Variants in WASF1 observed in about 807,000 individuals in gnomAD.
WASF1 encodes WASP family member 1.
A neutral mutation model predicts 50.5 loss-of-function variants in WASF1; 7 were observed. The observed-to-expected ratio is 0.14, with a 90% CI of 0.08 to 0.26. WASF1 has a LOEUF of 0.26. Ranked by LOEUF, WASF1 falls within the 10% of genes least tolerant of loss-of-function variation. WASF1 has a pLI of 1.00. For synonymous variants in WASF1, 205 were observed against 244.0 expected, an observed-to-expected ratio of 0.84 and a Z score of 1.49; for missense variants, 470 against 694.7, an observed-to-expected ratio of 0.68 and a Z score of 3.64.
At chr6:110,155,533 CTTCTTT>C (rs1417141173) in intron 3 of WASF1, among the ~76,000 whole-genome samples, 2 of 54,510 alleles carry the variant, frequency 3.7e-5, no homozygotes, top group African/African-American at 5.3e-5. Flanking sequence ...TCTAAAGTGC[CTTCTTT>C]TTTTTTTTTT....
chr6:110,101,554 A>G, intron 10 of WASF1, 34 bp downstream of exon 10: 1 of 1,573,026 alleles, frequency 6.4e-7, no homozygotes, highest in Non-Finnish European at 8.6e-7. Context: ...CAATGCTACT[A>G]TAGCAATGCT....
At chr6:110,133,354 T>A (rs182627897) in intron 3 of WASF1, among the ~76,000 whole-genome samples, 27 of 152,254 alleles carry the variant, frequency 1.8e-4, no homozygotes, top group African/African-American at 6.5e-4. Flanking sequence ...CAATGACTTT[T>A]TTATAGTATC....
intron 3 of WASF1, among the ~76,000 whole-genome samples, chr6:110,158,680 A>G (rs1489802374): frequency 6.6e-6 from 1 of 151,946 alleles, no homozygotes; most frequent in Non-Finnish European, 1.5e-5. Context: ...CACTCAGGTG[A>G]CTTGTCTGAG....
At chr6:110,124,064 A>C (rs1045329202) in intron 4 of WASF1, among the ~76,000 whole-genome samples, 5 of 151,726 alleles carry the variant, frequency 3.3e-5, no homozygotes, top group Admixed American at 1.3e-4. Flanking sequence ...CAGATAAGGG[A>C]ACTTGCACAG....
intron 3 of WASF1, among the ~76,000 whole-genome samples, chr6:110,152,290 C>G (rs1179831419): frequency 6.6e-6 from 1 of 152,062 alleles, no homozygotes; most frequent in African/African-American, 2.4e-5. Context: ...GTTCTAGGAG[C>G]TAGAAACCTT....
At chr6:110,154,611 T>C (rs921346883) in intron 3 of WASF1, among the ~76,000 whole-genome samples, 3 of 152,088 alleles carry the variant, frequency 2.0e-5, no homozygotes, top group Non-Finnish European at 4.4e-5. Context: ...AACATTTTAA[T>C]AAACATGATT....
chr6:110,141,248 T>C (rs983234363), intron 3 of WASF1, among the ~76,000 whole-genome samples: 1 of 152,094 alleles, frequency 6.6e-6, no homozygotes, highest in African/African-American at 2.4e-5. Context: ...CTTCAGGATT[T>C]AGCCCACCTC....
At chr6:110,123,732 C>A (rs544317881) in intron 4 of WASF1, among the ~76,000 whole-genome samples, 2 of 152,278 alleles carry the variant, frequency 1.3e-5, no homozygotes, top group South Asian at 2.1e-4. Context: ...GATCAAGATA[C>A]TTCCAGAGAC....
At chr6:110,115,109 A>G (rs1583937189) in intron 4 of WASF1, among the ~76,000 whole-genome samples, 1 of 145,218 alleles carries the variant, frequency 6.9e-6, no homozygotes, top group African/African-American at 2.5e-5. Flanking sequence ...TCTCTCAAAG[A>G]AAAAAAAAAA....
chr6:110,114,787 G>C (rs953288796), intron 4 of WASF1, among the ~76,000 whole-genome samples: 1 of 150,468 alleles, frequency 6.6e-6, no homozygotes, highest in Non-Finnish European at 1.5e-5. Context: ...TAGTTTCCAT[G>C]TATGCTGCTT....
rs1336219352 is a variant in WASF1, at chr6:110,136,477, CAG to C, written c.-28-8850_-28-8849del. 2.6e-5 allele frequency among the ~76,000 whole-genome samples: 4 copies of C among 152,108 alleles called. No individual in the cohort carries two copies. The East Asian group carries it at 7.7e-4, about 29-fold the overall frequency. Reference sequence around the variant, plus strand: ...TACTGAGTTTTGTCTACTGGTCTATCAGAGAGACATGTTAAGACTGCCCACTA... The same window carrying C: ...TACTGAGTTTTGTCTACTGGTCTATCAGAGACATGTTAAGACTGCCCACTA... On this transcript the variant is annotated intron_variant, in intron 3 of 10. Coordinates refer to ENST00000392589, the MANE Select transcript of WASF1 (RefSeq NM_003931.3).
intron 3 of WASF1, among the ~76,000 whole-genome samples, chr6:110,139,464 CA>C (rs985704893): frequency 6.6e-6 from 1 of 152,232 alleles, no homozygotes; most frequent in Non-Finnish European, 1.5e-5. Context: ...CCATCATAAG[CA>C]AAACCTTAAC....
intron 3 of WASF1, among the ~76,000 whole-genome samples, chr6:110,143,224 T>C (rs1775341670): frequency 6.6e-6 from 1 of 151,982 alleles, no homozygotes; most frequent in African/African-American, 2.4e-5. Flanking sequence ...AAAAATAAAA[T>C]GAGCTACAAT....
At chr6:110,143,201 A>G (rs1775340774) in intron 3 of WASF1, among the ~76,000 whole-genome samples, 1 of 151,972 alleles carries the variant, frequency 6.6e-6, no homozygotes, top group Non-Finnish European at 1.5e-5. Context: ...ATCCTGATAT[A>G]GATTTTAACA....
chr6:110,124,216 TCCTCTCTCTCCTCTCTCTC>T lies in WASF1; in HGVS notation c.133+3234_133+3252del, dbSNP rs1562170156. The stretch of plus-strand genomic sequence containing the variant: ...GTCTCTCTCTCTCTCTCTCTCTCTC[TCCTCTCTCTCCTCTCTCTC>T]CTCTCTCTCTCTCTCTCTCTCTCTC... On this transcript the variant is annotated intron_variant, in intron 4 of 10. Transcript: ENST00000392589. Among the ~76,000 whole-genome samples the T allele has an allele frequency of 5.6e-3, 358 of 63,404 alleles. 28 individuals carry two copies. Among genetic ancestry groups the T allele is most frequent in the East Asian group, 0.019 (32 of 1,704 alleles). The allele number at this position is 63,404 out of a possible 152,430, so 41.6% of individuals were successfully genotyped here. A position where few individuals can be genotyped will look rare whatever the true frequency, so the allele number is the denominator to read the frequency against.
At chr6:110,142,962 A>AC (rs1206242627) in intron 3 of WASF1, among the ~76,000 whole-genome samples, 1 of 150,360 alleles carries the variant, frequency 6.7e-6, no homozygotes, top group East Asian at 1.9e-4. Context: ...TAAAAAAAAA[A>AC]AAAAAAAAAA....
rs150167840 is a variant in WASF1 at position 110,150,161 on chromosome 6, T to C, written c.-29+10474A>G. Among the ~76,000 whole-genome samples the C allele has an allele frequency of 7.2e-3, 1,091 of 152,294 alleles. 20 individuals carry two copies. The highest frequency in any genetic ancestry group is 0.025 in the African/African-American group (1,049 of 41,556). On this transcript the variant is annotated intron_variant, in intron 3 of 10. Coordinates refer to ENST00000392589, the MANE Select transcript of WASF1 (RefSeq NM_003931.3). The stretch of plus-strand genomic sequence containing the variant: ...ATGACTACTTCCTTCAATAAATATT[T>C]ACAGATTACATATTATGGTTAAAAT...
At chr6:110,122,565 T>C (rs1350883999) in intron 4 of WASF1, among the ~76,000 whole-genome samples, 1 of 152,194 alleles carries the variant, frequency 6.6e-6, no homozygotes, top group African/African-American at 2.4e-5. Context: ...AACTCCTCCT[T>C]TTCCTTCTCC....
intron 10 of WASF1, among the ~76,000 whole-genome samples, chr6:110,100,918 T>C (rs1773054324): frequency 6.6e-6 from 1 of 152,220 alleles, no homozygotes; most frequent in Non-Finnish European, 1.5e-5. Flanking sequence ...TTATCCATCA[T>C]GGTCTACTAT....
Sources: gnomAD v4.1 joint callset for allele counts (sites outside exome capture counted in the v4.1 genomes callset) on GRCh38, gnomAD v4.1.1 for gene constraint, MANE v1.5 for transcripts, NCBI Gene and HGNC (gene_info 2026-07-23, HGNC 2026-07-21) for gene names.